CERT1: variants seen among roughly 807,000 people sequenced by gnomAD.
CERT1 encodes ceramide transfer protein.
Under a neutral mutation model 87.9 loss-of-function variants are expected in CERT1, and 31 were observed. The ratio of observed to expected loss-of-function variants is 0.35; its 90% CI spans 0.27 to 0.48. CERT1 has a LOEUF of 0.48. Among genes scored for constraint, CERT1 ranks in the 20% least tolerant of loss-of-function variants. The pLI is 0.99. For missense variants in CERT1, 487 were observed against 758.0 expected (o/e 0.64, Z 4.20); for synonymous variants, 289 against 250.9 (o/e 1.15, Z -1.44).
chr5:75,453,332 G>C (rs941260842), intron 3 of CERT1, among the ~76,000 whole-genome samples: 4 of 152,036 alleles, frequency 2.6e-5, no homozygotes, highest in African/African-American at 9.7e-5. Flanking sequence ...CCAATGCTTT[G>C]CTGATTCCTA....
intron 1 of CERT1, 73 bp downstream of exon 1, chr5:75,511,039 C>G: frequency 1.4e-6 from 2 of 1,452,240 alleles, no homozygotes; most frequent in Non-Finnish European, 1.8e-6. Context: ...CCAGCCCCAC[C>G]CCACCGCCTC....
At chr5:75,471,041 A>C (rs1765684190) in intron 2 of CERT1, among the ~76,000 whole-genome samples, 1 of 152,208 alleles carries the variant, frequency 6.6e-6, no homozygotes, top group Non-Finnish European at 1.5e-5. Context: ...AAGGAAGTGA[A>C]AGATCTCTAC....
intron 2 of CERT1, among the ~76,000 whole-genome samples, chr5:75,472,705 C>T (rs1765769323): frequency 6.6e-6 from 1 of 151,954 alleles, no homozygotes; most frequent in East Asian, 1.9e-4. Flanking sequence ...CAAATGAAAA[C>T]CATAATGAGA....
chr5:75,378,168 C>T lies in CERT1; in HGVS notation c.*1178G>A, dbSNP rs1761401090. 6.6e-6 allele frequency: 1 copy of T among 152,202 alleles called. No individual in the cohort carries two copies. The highest frequency in any genetic ancestry group is 6.5e-5 in the Admixed American group (1 of 15,276). The allele number at this position is 152,202 out of a possible 1,614,324, so 9.4% of individuals were successfully genotyped here. A position where few individuals can be genotyped will look rare whatever the true frequency, so the allele number is the denominator to read the frequency against. On this transcript the variant is annotated 3_prime_UTR_variant, in exon 17 of 17. Coordinates refer to ENST00000643780, the MANE Select transcript of CERT1 (RefSeq NM_001379029.1). Reference sequence around the variant, plus strand: ...AGTGCAGTGGCTCACGCCTGTAAACCCAGCATTTTGGGAGGCCCAGGAGAG... The same window carrying T: ...AGTGCAGTGGCTCACGCCTGTAAACTCAGCATTTTGGGAGGCCCAGGAGAG...
Position 75,394,789 on chromosome 5 carries a change from C to T in CERT1, c.1188+4521G>A, listed in dbSNP as rs185019645. On this transcript the variant is annotated intron_variant, in intron 11 of 16. Transcript: ENST00000643780. Reference sequence around the variant, plus strand: ...TGAAAATGTTCATGGCCTTTGTTCCCACAATTATGCTTCTAGGAATATATT... The same window carrying T: ...TGAAAATGTTCATGGCCTTTGTTCCTACAATTATGCTTCTAGGAATATATT... Among the ~76,000 whole-genome samples the T allele has an allele frequency of 2.1e-3, 324 of 151,920 alleles. 2 individuals carry two copies. The highest frequency in any genetic ancestry group is 7.5e-3 in the African/African-American group (310 of 41,438).
At chr5:75,463,543 A>G (rs984871370) in intron 2 of CERT1, among the ~76,000 whole-genome samples, 1 of 152,238 alleles carries the variant, frequency 6.6e-6, no homozygotes, top group African/African-American at 2.4e-5. Flanking sequence ...AAATAACCTT[A>G]TAGGAACAAA....
At chr5:75,510,690 C>G (rs113455746) in intron 1 of CERT1, among the ~76,000 whole-genome samples, 3 of 152,142 alleles carry the variant, frequency 2.0e-5, no homozygotes, top group African/African-American at 7.2e-5. Flanking sequence ...GAAAGAGTTG[C>G]GTCCGCAGTG....
intron 2 of CERT1, among the ~76,000 whole-genome samples, chr5:75,490,909 C>G (rs1167897583): frequency 6.6e-6 from 1 of 151,798 alleles, no homozygotes; most frequent in Non-Finnish European, 1.5e-5. Context: ...TTGCATTTTT[C>G]CCCTGGTTTT....
chr5:75,395,187 TC>T (rs1178276858), intron 11 of CERT1, among the ~76,000 whole-genome samples: 1 of 152,206 alleles, frequency 6.6e-6, no homozygotes, highest in Non-Finnish European at 1.5e-5. Flanking sequence ...ATGATGTTCT[TC>T]CCCTTTGATT....
At chr5:75,393,896 C>T (rs188052810) in intron 11 of CERT1, among the ~76,000 whole-genome samples, 4 of 151,778 alleles carry the variant, frequency 2.6e-5, no homozygotes, top group East Asian at 3.9e-4. Flanking sequence ...ACCCGGGAGG[C>T]GGAGGGTGCA....
At chr5:75,438,076 TTGG>T (rs1330177493) in intron 3 of CERT1, among the ~76,000 whole-genome samples, 3 of 152,108 alleles carry the variant, frequency 2.0e-5, no homozygotes, top group Non-Finnish European at 4.4e-5. Flanking sequence ...TCAAATCATT[TTGG>T]TGATTTTAGA....
intron 3 of CERT1, among the ~76,000 whole-genome samples, chr5:75,441,718 C>T (rs1051493984): frequency 1.3e-5 from 2 of 152,190 alleles, no homozygotes; most frequent in African/African-American, 4.8e-5. Flanking sequence ...TGTCCTCACG[C>T]TTCAGTAGCA....
At chr5:75,465,068 C>T (rs986402029) in intron 2 of CERT1, among the ~76,000 whole-genome samples, 7 of 152,168 alleles carry the variant, frequency 4.6e-5, no homozygotes, top group Non-Finnish European at 8.8e-5. Flanking sequence ...GTCAGGTGCA[C>T]ACATGCATGG....
chr5:75,402,680 G>C (rs906640382), intron 9 of CERT1: 29 of 206,962 alleles, frequency 1.4e-4, no homozygotes, highest in African/African-American at 6.1e-4. Context: ...CGCACCTGTA[G>C]TCCCAGCTAC....
chr5:75,399,783 T>C (rs917266922), intron 10 of CERT1, among the ~76,000 whole-genome samples: 4 of 152,178 alleles, frequency 2.6e-5, no homozygotes, highest in Non-Finnish European at 4.4e-5. Context: ...GAATACAATA[T>C]ATAAAACCAA....
At chr5:75,511,753 C>T (rs996009657), upstream of CERT1, 1 of 1,551,134 alleles carries the variant, frequency 6.4e-7, no homozygotes, top group Admixed American at 2.0e-5. Flanking sequence ...TCCTCCCGAA[C>T]CCTACCTCCG....
At chr5:75,391,919 T>G (rs1055223368) in intron 11 of CERT1, among the ~76,000 whole-genome samples, 2 of 152,256 alleles carry the variant, frequency 1.3e-5, no homozygotes, top group East Asian at 3.9e-4. Flanking sequence ...AGGTTACCTA[T>G]GAAAGAAGAA....
chr5:75,400,054 C>T (rs537028124), intron 10 of CERT1, 151 bp downstream of exon 10: 2 of 570,844 alleles, frequency 3.5e-6, no homozygotes, highest in African/African-American at 3.8e-5. Context: ...ATCTCTTGAA[C>T]CCGGGAGGTG....
chr5:75,425,043 A>G (rs538607916), intron 5 of CERT1, among the ~76,000 whole-genome samples: 1 of 152,096 alleles, frequency 6.6e-6, no homozygotes, highest in East Asian at 1.9e-4. Context: ...GCTTGAGGCC[A>G]GAAGTTTGAG....
Sources: gnomAD v4.1 joint callset for allele counts (sites outside exome capture counted in the v4.1 genomes callset) on GRCh38, gnomAD v4.1.1 for gene constraint, MANE v1.5 for transcripts, NCBI Gene and HGNC (gene_info 2026-07-23, HGNC 2026-07-21) for gene names.